The following OVCH1 variants were observed in gnomAD, a reference collection of about 807,000 sequenced individuals.
The protein encoded by OVCH1 is ovochymase 1, also known as ovochymase-1.
In OVCH1, 139 loss-of-function variants were observed where a neutral mutation model predicts 138.4. The ratio of observed to expected loss-of-function variants is 1.00; its 90% CI spans 0.87 to 1.16. The LOEUF (loss-of-function observed/expected upper bound fraction) is 1.16, where lower values mean the gene tolerates loss of function less well. Among genes scored for constraint, OVCH1 ranks in the 50% most tolerant of loss-of-function variants. The pLI is 0.00. For missense variants in OVCH1, 1,367 were observed against 1,357.9 expected (o/e 1.01, Z -0.11); for synonymous variants, 453 against 467.8 (o/e 0.97, Z 0.41).
intron 27 of OVCH1, chr12:29,433,616 G>T (rs1592034268): frequency 1.1e-6 from 1 of 933,516 alleles, no homozygotes. Flanking sequence ...GGACTGTCTT[G>T]TTCATTGCTC....
chr12:29,478,958 A>C, intron 8 of OVCH1: 2 of 1,377,226 alleles, frequency 1.5e-6, no homozygotes, highest in Non-Finnish European at 2.0e-6. Context: ...ATTATTTTCC[A>C]AACATATAAG....
chr12:29,489,630 T>C (rs768884615), exon 6 of OVCH1: 2 of 1,606,416 alleles, frequency 1.2e-6, no homozygotes, highest in Admixed American at 3.4e-5. Context: ...CTGGCAGGCG[T>C]CCATTCCCCA....
chr12:29,423,561 G>A (rs1941134904), downstream of OVCH1, among the ~76,000 whole-genome samples: 1 of 152,098 alleles, frequency 6.6e-6, no homozygotes, highest in Non-Finnish European at 1.5e-5. Flanking sequence ...TCCTAAGGAT[G>A]GGAGGAAAAA....
intron 16 of OVCH1, among the ~76,000 whole-genome samples, chr12:29,471,112 T>C (rs1942492817): frequency 6.6e-6 from 1 of 152,098 alleles, no homozygotes; most frequent in African/African-American, 2.4e-5. Context: ...TTAAGAGGGA[T>C]TCTAAGGGGT....
At chr12:29,483,182 G>T (rs1388055905) in intron 8 of OVCH1, among the ~76,000 whole-genome samples, 1 of 151,982 alleles carries the variant, frequency 6.6e-6, no homozygotes, top group African/African-American at 2.4e-5. Flanking sequence ...TTCCCATCTT[G>T]GTCATTTTCC....
intron 20 of OVCH1, 67 bp downstream of exon 20, chr12:29,455,182 C>G (rs1297364276): frequency 6.6e-7 from 1 of 1,522,520 alleles, no homozygotes; most frequent in East Asian, 2.3e-5. Context: ...TTATACCACA[C>G]TCACTGTTCC....
At chr12:29,402,202 A>G in the OVCH1 span, among the ~76,000 whole-genome samples, 2 of 152,176 alleles carry the variant, frequency 1.3e-5, no homozygotes, top group African/African-American at 2.4e-5. Context: ...AATCCCCTTT[A>G]ATATCATCTA....
intron 16 of OVCH1, among the ~76,000 whole-genome samples, chr12:29,466,153 A>G (rs7489238): frequency 0.2 from 29,772 of 151,020 alleles, 3,620 homozygotes; most frequent in African/African-American, 0.35. Flanking sequence ...TGTAAATGAT[A>G]AGTTAATGGG....
At chr12:29,453,943 G>A (rs1038260716) in intron 21 of OVCH1, among the ~76,000 whole-genome samples, 5 of 151,960 alleles carry the variant, frequency 3.3e-5, no homozygotes, top group East Asian at 1.9e-4. Flanking sequence ...TCATTTTCTC[G>A]AGAAATATGT....
intron 12 of OVCH1, 91 bp from the exon 13 acceptor site, chr12:29,476,390 G>T: frequency 9.6e-7 from 1 of 1,043,160 alleles, no homozygotes; most frequent in Non-Finnish European, 1.5e-6. Context: ...AAGGCTCTTT[G>T]TCACATCCTC....
chr12:29,474,251 C>G (rs2136019013), intron 14 of OVCH1, among the ~76,000 whole-genome samples: 1 of 152,140 alleles, frequency 6.6e-6, no homozygotes, highest in African/African-American at 2.4e-5. Flanking sequence ...ACTTTTCTTG[C>G]ATGTAAGTTC....
intron 25 of OVCH1, among the ~76,000 whole-genome samples, chr12:29,442,081 AG>A (rs1333334127): frequency 1.3e-5 from 2 of 151,194 alleles, no homozygotes; most frequent in African/African-American, 4.9e-5. Context: ...TCAGGGATCT[AG>A]AACTAGAAAT....
chr12:29,452,720 A>C (rs988131377), intron 21 of OVCH1, among the ~76,000 whole-genome samples: 2 of 152,160 alleles, frequency 1.3e-5, no homozygotes, highest in Admixed American at 1.3e-4. Flanking sequence ...TACAGCCATG[A>C]ATTACCAACA....
chr12:29,433,431 C>G (rs1941305062), intron 27 of OVCH1, among the ~76,000 whole-genome samples: 1 of 152,188 alleles, frequency 6.6e-6, no homozygotes, highest in African/African-American at 2.4e-5. Flanking sequence ...TGAGGCCTCT[C>G]AAGCTGTGTG....
chr12:29,465,195 A>C, exon 17 of OVCH1: 1 of 1,603,314 alleles, frequency 6.2e-7, no homozygotes, highest in South Asian at 1.1e-5. Flanking sequence ...CAGCAATAAT[A>C]GTCCAGGAGA....
At chr12:29,440,563 CTTAT>C (rs1455566688) in intron 25 of OVCH1, 6 of 329,440 alleles carry the variant, frequency 1.8e-5, no homozygotes, top group Non-Finnish European at 3.6e-5. Context: ...CATGCCTTCT[CTTAT>C]TTAATTCTCA....
intron 19 of OVCH1, among the ~76,000 whole-genome samples, chr12:29,459,063 T>C (rs1942045132): frequency 6.6e-6 from 1 of 152,148 alleles, no homozygotes; most frequent in Admixed American, 6.5e-5. Context: ...ACAACCACTA[T>C]ACAGAATAGT....
rs779533399 is a variant in OVCH1 at position 29,445,420 on chromosome 12, A to T, written c.2756-17T>A. ...GTAATCCACCTAGGTTAAAAAGTGA[A>T]CTCTAGTAAAAAATAAGAATGAAAA... is the stretch of plus-strand genomic sequence containing the variant. On this transcript the variant is annotated splice_polypyrimidine_tract_variant and intron_variant, in intron 22 of 27. Transcript: ENST00000318184. 1 of 1,587,758 alleles carries T rather than the reference A, an allele frequency of 6.3e-7. No homozygotes were observed. The highest frequency in any genetic ancestry group is 1.4e-5 in the African/African-American group (1 of 73,410).
At chr12:29,442,422 TGA>T (rs1297312903) in intron 25 of OVCH1, among the ~76,000 whole-genome samples, 4 of 123,674 alleles carry the variant, frequency 3.2e-5, no homozygotes, top group Non-Finnish European at 6.4e-5. Context: ...AACTGAACAA[TGA>T]GAACACATGG....
Sources: allele counts gnomAD v4.1 joint callset (sites outside exome capture counted in the v4.1 genomes callset), GRCh38; gene constraint gnomAD v4.1.1; transcripts MANE v1.5; gene names NCBI Gene and HGNC (gene_info 2026-07-23, HGNC 2026-07-21).